The following EGF variants were observed in gnomAD, a reference collection of about 807,000 sequenced individuals.
EGF encodes the protein pro-epidermal growth factor.
Under a neutral mutation model 143.8 loss-of-function variants are expected in EGF, and 95 were observed. That is an observed-to-expected ratio of 0.66 (90% CI 0.56 to 0.78). EGF has a LOEUF of 0.78. EGF is among the 30% of genes least tolerant of loss of function. EGF has a pLI of 0.00. For missense variants in EGF, 1,320 were observed against 1,470.9 expected (o/e 0.90, Z 1.68); for synonymous variants, 510 against 510.5 (o/e 1.00, Z 0.01).
At chr4:109,979,748 C>T (rs1749049738) in intron 13 of EGF, among the ~76,000 whole-genome samples, 1 of 152,160 alleles carries the variant, frequency 6.6e-6, no homozygotes, top group African/African-American at 2.4e-5. Context: ...GTGGGCCTTG[C>T]TGGGACCTCA....
intron 21 of EGF, 72 bp from the exon 22 acceptor site, chr4:110,004,433 C>T (rs1752986447): frequency 7.6e-7 from 1 of 1,307,324 alleles, no homozygotes; most frequent in Non-Finnish European, 1.1e-6. Context: ...GTTAGTTGTC[C>T]CTGATCATCA....
intron 23 of EGF, 42 bp from the exon 24 acceptor site, chr4:110,011,160 T>C: frequency 1.2e-6 from 2 of 1,609,744 alleles, no homozygotes; most frequent in Non-Finnish European, 1.7e-6. Flanking sequence ...CTATCTATTG[T>C]TAATGATATG....
Position 109,944,033 on chromosome 4 carries a change from A to G in EGF, c.701A>G (p.Asp234Gly). 6.2e-7 allele frequency: 1 copy of G among 1,614,176 alleles called. No homozygotes were observed. Among genetic ancestry groups the G allele is most frequent in the African/African-American group, 1.3e-5 (1 of 75,050 alleles). ...TCTCTTATTTGCTCCTGTGATTATG[A>G]TGGAGGTTCTGTCCACATTAGTAAA... ...SNSLICSCDY[D>G]GGSVHISKHP... is the part of the protein sequence containing the mutation. The change falls in exon 4 of 24, where the codon GAT becomes GGT. Residue 234 changes from aspartate (D) to glycine (G), a missense_variant. Physicochemically the swap from Asp to Gly is moderately conservative, Grantham distance 94. Coordinates refer to ENST00000265171, the MANE Select transcript of EGF (RefSeq NM_001963.6).
intron 1 of EGF, among the ~76,000 whole-genome samples, chr4:109,921,857 C>T (rs973800452): frequency 8.6e-5 from 13 of 151,580 alleles, no homozygotes; most frequent in Non-Finnish European, 1.8e-4. Context: ...TTTTCACACA[C>T]ACCATTCTTG....
chr4:109,950,125 C>G (rs1368125760), intron 5 of EGF, among the ~76,000 whole-genome samples: 1 of 152,134 alleles, frequency 6.6e-6, no homozygotes, highest in East Asian at 1.9e-4. Flanking sequence ...GTAAAAATAT[C>G]CTTTTCAAGG....
In EGF at chr4:110,007,972, G is replaced by A. The variant is rs11569121; in HGVS notation, c.3292-180G>A. 0.13 allele frequency among the ~76,000 whole-genome samples: 20,040 copies of A among 152,118 alleles called. 2,159 individuals are homozygous for A. Among genetic ancestry groups the A allele is most frequent in the African/African-American group, 0.29 (12,046 of 41,460 alleles). ...TTGCTTTAAGACAAAGTAACACAAG[G>A]CTCCTCACTGAATGTTGAATCTCTC... is the stretch of plus-strand genomic sequence containing the variant. On this transcript the variant is annotated intron_variant, in intron 22 of 23. Transcript: ENST00000265171.
At chr4:109,955,132 C>T (rs750136081) in intron 5 of EGF, among the ~76,000 whole-genome samples, 5 of 152,082 alleles carry the variant, frequency 3.3e-5, no homozygotes, top group Non-Finnish European at 5.9e-5. Context: ...AAACAGGAAA[C>T]GGAATCCCAA....
At chr4:109,928,816 G>A (rs753184581) in intron 1 of EGF, among the ~76,000 whole-genome samples, 1 of 152,134 alleles carries the variant, frequency 6.6e-6, no homozygotes, top group South Asian at 2.1e-4. Flanking sequence ...GGTCAGCTGT[G>A]CCTGAATTCC....
chr4:109,913,471 T>C lies in EGF; in HGVS notation c.127+9T>C, dbSNP rs771203997. The C allele has an allele frequency of 1.7e-5, 28 of 1,613,092 alleles. No individual in the cohort carries two copies. In the Admixed American group the frequency reaches 4.7e-4, roughly 27 times the overall value. Reference sequence around the variant, plus strand: ...GAATTCTACTTGTGTGGGTAAGTACTCCAATGAAAAGGTGCTCCAGGTCTC... The same window carrying C: ...GAATTCTACTTGTGTGGGTAAGTACCCCAATGAAAAGGTGCTCCAGGTCTC... On this transcript the variant is annotated intron_variant, in intron 1 of 23. Coordinates refer to ENST00000265171, the MANE Select transcript of EGF (RefSeq NM_001963.6).
chr4:109,988,284 G>A (rs1182839518), intron 17 of EGF, among the ~76,000 whole-genome samples: 1 of 150,034 alleles, frequency 6.7e-6, no homozygotes, highest in East Asian at 2.0e-4. Flanking sequence ...TATATTAATA[G>A]CCTCAAAATT....
chr4:109,961,484 TA>T (rs1361833206), intron 7 of EGF, among the ~76,000 whole-genome samples: 2 of 152,242 alleles, frequency 1.3e-5, no homozygotes, highest in African/African-American at 4.8e-5. Context: ...TCTTTGTCTG[TA>T]TTACCTTATA....
Position 109,937,347 on chromosome 4 carries a change from T to C in EGF, c.128-3599T>C, listed in dbSNP as rs551427668. Among the ~76,000 whole-genome samples the C allele has an allele frequency of 2.1e-5, 3 of 141,064 alleles. No individual in the cohort carries two copies. The South Asian group carries it at 6.9e-4, about 32-fold the overall frequency. 92.5% of individuals were successfully genotyped at this position (141,064 alleles called of 152,430 possible). A position where few individuals can be genotyped will look rare whatever the true frequency, so the allele number is the denominator to read the frequency against. On this transcript the variant is annotated intron_variant, in intron 1 of 23. Coordinates refer to ENST00000265171, the MANE Select transcript of EGF (RefSeq NM_001963.6). The stretch of plus-strand genomic sequence containing the variant: ...AAAGTCTGTTTATCAAAGACCAGGA[T>C]TGCAATCCCTGCTTTTTTTTTTTTT...
At chr4:110,003,638 T>C (rs898301526) in intron 21 of EGF, among the ~76,000 whole-genome samples, 2 of 152,156 alleles carry the variant, frequency 1.3e-5, no homozygotes, top group Non-Finnish European at 2.9e-5. Flanking sequence ...GTCTCACAGA[T>C]GCACTGCTCT....
Position 109,980,917 on chromosome 4 carries a change from T to A in EGF, c.2313T>A (p.Phe771Leu), listed in dbSNP as rs751664046. 2.5e-6 allele frequency: 4 copies of A among 1,614,154 alleles called. No individual in the cohort carries two copies. The Admixed American group carries it at 6.7e-5, about 27-fold the overall frequency. The change falls in exon 15 of 24, where the codon TTT becomes TTA. Residue 771 changes from phenylalanine (F) to leucine (L), a missense_variant. This residue lies in a region of EGF where 1,186 missense variants were observed against 1,313.7 expected (regional missense o/e 0.90). Transcript: ENST00000265171. ...CTTGGTGTTCGTGTCGTGAAGGTTT[T>A]ATGAAAGCCTCAGATGGGAAAACGT... Reference protein sequence around the residue: ...GTAWCSCREGFMKASDGKTCL... With the variant: ...GTAWCSCREGLMKASDGKTCL...
intron 10 of EGF, chr4:109,968,692 C>CTATCTATCTATG (rs1747027797): frequency 4.8e-6 from 2 of 415,300 alleles, no homozygotes; most frequent in African/African-American, 4.1e-5. Context: ...ATCTATCTAT[C>CTATCTATCTATG]TATCTATCTA....
intron 1 of EGF, among the ~76,000 whole-genome samples, chr4:109,929,428 T>C (rs1191370355): frequency 6.6e-6 from 1 of 152,168 alleles, no homozygotes; most frequent in African/African-American, 2.4e-5. Flanking sequence ...TGACTGTAAT[T>C]ATTCTGATGA....
intron 1 of EGF, among the ~76,000 whole-genome samples, chr4:109,915,919 G>A (rs949802274): frequency 2.0e-5 from 3 of 152,106 alleles, no homozygotes; most frequent in African/African-American, 7.2e-5. Flanking sequence ...TTTTAACTGA[G>A]TATTCTGTTA....
intron 6 of EGF, 65 bp from the exon 7 acceptor site, chr4:109,960,802 A>G: frequency 1.3e-6 from 2 of 1,597,400 alleles, no homozygotes; most frequent in South Asian, 2.2e-5. Flanking sequence ...ATGACTTATT[A>G]GTGATAGCAC....
chr4:109,976,306 TAC>T (rs35111701), intron 13 of EGF, 71 bp downstream of exon 13: 182 of 1,272,250 alleles, frequency 1.4e-4, no homozygotes, highest in Non-Finnish European at 1.8e-4. Flanking sequence ...AAAATATGTT[TAC>T]ACACACACAC....
Sources: allele counts gnomAD v4.1 joint callset (sites outside exome capture counted in the v4.1 genomes callset), GRCh38; gene constraint gnomAD v4.1.1; regional missense constraint gnomAD v4.1.1; transcripts MANE v1.5; gene names NCBI Gene and HGNC (gene_info 2026-07-23, HGNC 2026-07-21).